The following SBNO1 variants were observed in gnomAD, a reference collection of about 807,000 sequenced individuals.
The protein encoded by SBNO1 is protein strawberry notch homolog 1.
In SBNO1, 23 loss-of-function variants were observed where a neutral mutation model predicts 173.6. The ratio of observed to expected loss-of-function variants is 0.13; its 90% CI spans 0.10 to 0.19. The LOEUF (loss-of-function observed/expected upper bound fraction) is 0.19, where lower values mean the gene tolerates loss of function less well. SBNO1 is among the 10% of genes least tolerant of loss of function. SBNO1 has a pLI of 1.00. For synonymous variants in SBNO1, 632 were observed against 571.5 expected, an observed-to-expected ratio of 1.11 and a Z score of -1.51; for missense variants, 1,238 against 1,671.2, an observed-to-expected ratio of 0.74 and a Z score of 4.52.
At position 123,293,599 on chromosome 12, in the gene SBNO1, G is replaced by C. The variant is rs1376100070; in HGVS notation, c.*2309C>G. 1 of 152,018 alleles carries C rather than the reference G, an allele frequency of 6.6e-6. No homozygotes were observed. The highest frequency in any genetic ancestry group is 1.5e-5 in the Non-Finnish European group (1 of 68,022). The allele number at this position is 152,018 out of a possible 1,614,324, so 9.4% of individuals were successfully genotyped here. On this transcript the variant is annotated 3_prime_UTR_variant, in exon 32 of 32. Coordinates refer to ENST00000602398, the MANE Select transcript of SBNO1 (RefSeq NM_001167856.3). ...GAGGTCCATTTTGAGAGGGCTTTCA[G>C]AGGCCTTTTTAATGAGAAAAAAAAA...
chr12:123,320,337 A>G, intron 19 of SBNO1, 95 bp downstream of exon 19: 1 of 1,188,250 alleles, frequency 8.4e-7, no homozygotes, highest in Non-Finnish European at 1.2e-6. Flanking sequence ...ATGATCTAAG[A>G]AATTTAGATT....
intron 6 of SBNO1, among the ~76,000 whole-genome samples, chr12:123,334,534 C>T (rs554543125): frequency 4.1e-4 from 62 of 152,136 alleles, no homozygotes; most frequent in Non-Finnish European, 7.6e-4. Context: ...ACAGCAAATC[C>T]CTGTCTCTAC....
At chr12:123,324,431 C>G (rs577780462) in intron 15 of SBNO1, among the ~76,000 whole-genome samples, 1 of 151,518 alleles carries the variant, frequency 6.6e-6, no homozygotes, top group Admixed American at 6.6e-5. Flanking sequence ...AAGCAATTCT[C>G]CTGCCTCAGC....
Position 123,345,454 on chromosome 12 carries a change from G to C in SBNO1, c.354C>G (p.Ile118Met), listed in dbSNP as rs1279817561. The change falls in exon 4 of 32, where the codon ATC becomes ATG. Residue 118 changes from isoleucine to methionine, a missense_variant. Physicochemically the swap from Ile to Met is conservative, Grantham distance 10. Around this residue, in one of 14 missense-constraint regions of SBNO1, gnomAD observed 287 missense variants for 274.1 expected, o/e 1.05. Transcript: ENST00000602398. ...TAGTCTGGATAAACTTAGTTAAAGT[G>C]ATGGTTTGCCTGTTGGTTGTTACAG... ...TPPVTTNRQT[I>M]TLTKFIQTTA... The C allele has an allele frequency of 1.2e-6, 2 of 1,614,064 alleles. No homozygotes were observed. The highest frequency in any genetic ancestry group is 2.7e-5 in the African/African-American group (2 of 74,922).
intron 6 of SBNO1, among the ~76,000 whole-genome samples, chr12:123,334,798 T>C (rs900626405): frequency 1.3e-5 from 2 of 152,148 alleles, no homozygotes; most frequent in African/African-American, 4.8e-5. Context: ...ACTTGGTTCA[T>C]AACAGCAGGT....
At chr12:123,299,170 C>T (rs2048698769) in intron 30 of SBNO1, among the ~76,000 whole-genome samples, 2 of 152,174 alleles carry the variant, frequency 1.3e-5, no homozygotes, top group Non-Finnish European at 2.9e-5. Context: ...AGACTGAGAC[C>T]ATCCTGGCTA....
intron 4 of SBNO1, among the ~76,000 whole-genome samples, chr12:123,344,108 G>C (rs1332767549): frequency 6.6e-6 from 1 of 152,118 alleles, no homozygotes; most frequent in Non-Finnish European, 1.5e-5. Flanking sequence ...ACAATGCTCA[G>C]AAAGCCACTC....
At position 123,294,040 on chromosome 12, in the gene SBNO1, G is replaced by C. The variant is rs1317617906; in HGVS notation, c.*1868C>G. The C allele has an allele frequency of 6.6e-6, 1 of 152,318 alleles. No individual in the cohort carries two copies. The highest frequency in any genetic ancestry group is 2.4e-5 in the African/African-American group (1 of 41,464). 9.4% of individuals were successfully genotyped at this position (152,318 alleles called of 1,614,324 possible). Reference sequence around the variant, plus strand: ...CTCTTGGCTGCCAGCCGGGTCTAGCGGCCCTAACAAGGGAAACTGGCTGAT... The same window carrying C: ...CTCTTGGCTGCCAGCCGGGTCTAGCCGCCCTAACAAGGGAAACTGGCTGAT... On this transcript the variant is annotated 3_prime_UTR_variant, in exon 32 of 32. Coordinates refer to ENST00000602398, the MANE Select transcript of SBNO1 (RefSeq NM_001167856.3).
Position 123,328,825 on chromosome 12 carries a change from G to A in SBNO1, c.1205C>T (p.Ser402Phe), listed in dbSNP as rs1870864313. The A allele has an allele frequency of 1.2e-6, 2 of 1,609,076 alleles. No individual in the cohort carries two copies. The highest frequency in any genetic ancestry group is 1.3e-5 in the African/African-American group (1 of 74,864). Residue 402 changes from serine (S) to phenylalanine (F), a missense_variant, in exon 10 of 32, where the codon TCT becomes TTT. By Grantham distance (155) the Ser-to-Phe change is radical. Coordinates refer to ENST00000602398, the MANE Select transcript of SBNO1 (RefSeq NM_001167856.3). ...AGACTGGCTTTCACCAATAAGTGAA[G>A]AGTAAGTAGCAAAAATAACACCCTT... ...VKKGVIFATY[S>F]SLIGESQSGG...
chr12:123,320,549 C>T lies in SBNO1; in HGVS notation c.2550G>A (p.Arg850=). 1 of 1,614,078 alleles carries T rather than the reference C, an allele frequency of 6.2e-7. No individual in the cohort carries two copies. Among genetic ancestry groups the T allele is most frequent in the East Asian group, 2.2e-5 (1 of 44,878 alleles). ...SLITSQDAVE[R]AQQMKKDLLD... is the part of the protein sequence containing the mutation. ...GCAGGTCTTTCTTCATCTGCTGAGC[C>T]CTTTCCACAGCATCCTGACTTGTTA... The change falls in exon 19 of 32, where the codon AGG becomes AGA. Residue 850 remains arginine, a synonymous_variant. Coordinates refer to ENST00000602398, the MANE Select transcript of SBNO1 (RefSeq NM_001167856.3).
intron 4 of SBNO1, among the ~76,000 whole-genome samples, chr12:123,342,069 C>T (rs537698615): frequency 2.3e-4 from 35 of 151,618 alleles, no homozygotes; most frequent in Non-Finnish European, 4.3e-4. Context: ...TTTGGGAGGC[C>T]GAGGAGGCCC....
chr12:123,306,916 G>T, intron 28 of SBNO1, among the ~76,000 whole-genome samples: 1 of 149,664 alleles, frequency 6.7e-6, no homozygotes, highest in Non-Finnish European at 1.5e-5. Context: ...AGGCACAGTA[G>T]CTCACAACTG....
At chr12:123,352,285 G>C (rs1259773239) in intron 1 of SBNO1, among the ~76,000 whole-genome samples, 1 of 152,200 alleles carries the variant, frequency 6.6e-6, no homozygotes, top group Non-Finnish European at 1.5e-5. Context: ...AGTGTTTCAT[G>C]ATGTCCTACA....
chr12:123,315,084 T>C (rs1869120203), intron 23 of SBNO1, among the ~76,000 whole-genome samples: 1 of 152,112 alleles, frequency 6.6e-6, no homozygotes, highest in Non-Finnish European at 1.5e-5. Context: ...TCTCTACACA[T>C]AAAAAACATG....
intron 12 of SBNO1, 38 bp from the exon 13 acceptor site, chr12:123,327,617 G>A (rs1566038346): frequency 1.2e-6 from 2 of 1,602,318 alleles, no homozygotes; most frequent in Non-Finnish European, 1.7e-6. Context: ...TACCAATACA[G>A]TAGAATTTTA....
At chr12:123,333,467 A>G (rs1243800544) in intron 7 of SBNO1, among the ~76,000 whole-genome samples, 3 of 152,244 alleles carry the variant, frequency 2.0e-5, no homozygotes, top group East Asian at 1.9e-4. Context: ...ACACACTCCT[A>G]GGAATGGGTA....
chr12:123,313,723 C>T lies in SBNO1; in HGVS notation c.3121-4G>A. On this transcript the variant is annotated splice_polypyrimidine_tract_variant and splice_region_variant and intron_variant, in intron 23 of 31. Transcript: ENST00000602398. ...TTTCTAAAGCATTTCTTCCATACTG[C>T]AAAAAAAAATCAAAACCTTTAACCA... 2.6e-6 allele frequency: 4 copies of T among 1,532,880 alleles called. No individual in the cohort carries two copies. Among genetic ancestry groups the T allele is most frequent in the Non-Finnish European group, 3.6e-6 (4 of 1,116,284 alleles). 95.0% of individuals were successfully genotyped at this position (1,532,880 alleles called of 1,614,324 possible). A position where few individuals can be genotyped will look rare whatever the true frequency, so the allele number is the denominator to read the frequency against.
At chr12:123,360,373 G>C (rs1875002200) in intron 1 of SBNO1, among the ~76,000 whole-genome samples, 1 of 152,158 alleles carries the variant, frequency 6.6e-6, no homozygotes, top group Admixed American at 6.5e-5. Context: ...TTCACAGGTG[G>C]CAAGTCACAA....
chr12:123,309,646 A>G (rs1434546729), intron 26 of SBNO1, 63 bp from the exon 27 acceptor site: 3 of 1,601,186 alleles, frequency 1.9e-6, no homozygotes, highest in Non-Finnish European at 2.6e-6. Flanking sequence ...ACACACGTTT[A>G]AAGAATTTCT....
Sources: allele counts gnomAD v4.1 joint callset (sites outside exome capture counted in the v4.1 genomes callset), GRCh38; gene constraint gnomAD v4.1.1; regional missense constraint gnomAD v4.1.1; transcripts MANE v1.5; gene names NCBI Gene and HGNC (gene_info 2026-07-23, HGNC 2026-07-21).